The following ANK3 variants were observed in gnomAD, a reference collection of about 807,000 sequenced individuals.
ANK3 encodes ankyrin-3.
In ANK3, 57 loss-of-function variants were observed where a neutral mutation model predicts 370.9. That is an observed-to-expected ratio of 0.15 (90% CI 0.12 to 0.19). ANK3 has a LOEUF of 0.19. ANK3 is among the 10% of genes least tolerant of loss of function. ANK3 has a pLI of 1.00. For missense variants in ANK3, 4,439 were observed against 5,302.1 expected, an observed-to-expected ratio of 0.84 and a Z score of 5.06; for synonymous variants, 1,929 against 1,946.3, an observed-to-expected ratio of 0.99 and a Z score of 0.23.
intron 1 of ANK3, among the ~76,000 whole-genome samples, chr10:60,315,701 T>G (rs938265310): frequency 4.6e-5 from 7 of 152,104 alleles, no homozygotes; most frequent in African/African-American, 1.7e-4. Context: ...CCACAGGATT[T>G]GGGAAAGTTC....
In ANK3 at chr10:60,155,555, T is replaced by C. The variant is rs535628913; in HGVS notation, c.2614+11036A>G. On this transcript the variant is annotated intron_variant, in intron 23 of 43. Coordinates refer to ENST00000280772, the MANE Select transcript of ANK3 (RefSeq NM_020987.5). ...GGTGCTACCCTGGTCTTGGAGGTTG[T>C]GATAGTTAATATTGAATGTCAATTC... Among the ~76,000 whole-genome samples the C allele has an allele frequency of 9.8e-5, 15 of 152,286 alleles. No individual in the cohort carries two copies. The South Asian group carries it at 3.1e-3, about 32-fold the overall frequency.
At chr10:60,374,804 T>C (rs2060546857) in intron 1 of ANK3, among the ~76,000 whole-genome samples, 1 of 152,208 alleles carries the variant, frequency 6.6e-6, no homozygotes, top group Admixed American at 6.5e-5. Context: ...AGAGATTCGT[T>C]GGTACTTTTG....
intron 26 of ANK3, chr10:60,111,723 A>C (rs1021572047): frequency 4.4e-6 from 2 of 454,976 alleles, no homozygotes; most frequent in African/African-American, 4.0e-5. Flanking sequence ...CATAAAGGAC[A>C]CAGTTATCAC....
intron 5 of ANK3, among the ~76,000 whole-genome samples, chr10:60,269,858 A>G (rs1223398273): frequency 1.1e-4 from 17 of 152,172 alleles, no homozygotes; most frequent in Admixed American, 1.0e-3. Flanking sequence ...TAAGAGACAG[A>G]AAAGAATTCT....
intron 7 of ANK3, among the ~76,000 whole-genome samples, chr10:60,244,897 C>T (rs1337846413): frequency 2.6e-5 from 4 of 152,186 alleles, no homozygotes; most frequent in African/African-American, 9.7e-5. Flanking sequence ...GGGCCGGGCG[C>T]GGTGGCTCAC....
At chr10:60,178,857 GATTATTAT>G (rs2096057426) in intron 18 of ANK3, among the ~76,000 whole-genome samples, 1 of 151,528 alleles carries the variant, frequency 6.6e-6, no homozygotes, top group Non-Finnish European at 1.5e-5. Flanking sequence ...AAACAACACT[GATTATTAT>G]ACCCTGTGGC....
intron 26 of ANK3, among the ~76,000 whole-genome samples, chr10:60,110,775 A>AT (rs765193001): frequency 1.6e-4 from 25 of 152,176 alleles, no homozygotes; most frequent in Non-Finnish European, 1.0e-4. Context: ...ACAAAAATCA[A>AT]TTTTTCATTA....
chr10:60,176,825 A>G (rs1156475032), intron 18 of ANK3, among the ~76,000 whole-genome samples: 1 of 152,146 alleles, frequency 6.6e-6, no homozygotes, highest in African/African-American at 2.4e-5. Flanking sequence ...TAATTTTGCT[A>G]ACCATTTTTC....
At chr10:60,452,274 G>C (rs1363601020) in intron 2 of ANK3, among the ~76,000 whole-genome samples, 1 of 152,202 alleles carries the variant, frequency 6.6e-6, no homozygotes, top group African/African-American at 2.4e-5. Context: ...TGCCAGGGCT[G>C]TGCCCTTATT....
Position 60,084,343 on chromosome 10 carries a change from T to C in ANK3, c.4074+259A>G, listed in dbSNP as rs1007669903. ...ATTGTTTGAACCCAGGAGGCGGAGGTTGCAGTAAGCTGAGACCGCGCCACT... is the reference window on the plus strand; with the variant it reads ...ATTGTTTGAACCCAGGAGGCGGAGGCTGCAGTAAGCTGAGACCGCGCCACT... On this transcript the variant is annotated intron_variant, in intron 32 of 43. Transcript: ENST00000280772. 4 of 169,872 alleles carry C rather than the reference T, an allele frequency of 2.4e-5. No homozygotes were observed. The East Asian group carries it at 6.0e-4, about 26-fold the overall frequency. The allele number at this position is 169,872 out of a possible 1,614,324, so 10.5% of individuals were successfully genotyped here.
chr10:60,592,500 C>A (rs2077930086), intron 2 of ANK3, among the ~76,000 whole-genome samples: 1 of 152,208 alleles, frequency 6.6e-6, no homozygotes, highest in Admixed American at 6.5e-5. Context: ...TAGCTCACGC[C>A]TGTAATCCCA....
rs746842936 is a variant in ANK3 at position 60,070,218 on chromosome 10, A to C, written c.10663T>G (p.Phe3555Val). Residue 3555 changes from phenylalanine (F) to valine (V), a missense_variant, in exon 37 of 44, where the codon TTT (phenylalanine) becomes GTT (valine). Around this residue, in one of 13 missense-constraint regions of ANK3, gnomAD observed 1,601 missense variants for 1,731.7 expected, o/e 0.92. Transcript: ENST00000280772. This position sits in a 1 kb window ranked among gnomAD's most constrained non-coding sequence, Gnocchi z 5.7. ...WSNNRGDDEV[F>V]DSKSREDETK... is the part of the protein sequence containing the mutation. The stretch of plus-strand genomic sequence containing the variant: ...TCATCTTCCCGTGATTTACTGTCAA[A>C]AACTTCATCATCCCCTCGGTTATTA... 2 of 1,614,106 alleles carry C rather than the reference A, an allele frequency of 1.2e-6. No homozygotes were observed.
At chr10:60,699,503 T>G (rs2079517351) in intron 1 of ANK3, among the ~76,000 whole-genome samples, 1 of 152,116 alleles carries the variant, frequency 6.6e-6, no homozygotes, top group African/African-American at 2.4e-5. Context: ...ATGCTGTTAA[T>G]TGTAATAGAA....
intron 2 of ANK3, among the ~76,000 whole-genome samples, chr10:60,564,342 C>T (rs368088517): frequency 1.2e-4 from 18 of 152,246 alleles, no homozygotes; most frequent in African/African-American, 3.6e-4. Context: ...AACACGTGAC[C>T]ATGCTCAGTA....
intron 24 of ANK3, 106 bp downstream of exon 24, chr10:60,138,858 T>C: frequency 6.9e-7 from 1 of 1,450,220 alleles, no homozygotes; most frequent in South Asian, 1.3e-5. Context: ...CACATCTTCA[T>C]CCAAAGAACA....
chr10:60,212,555 G>A (rs557874413), intron 9 of ANK3, among the ~76,000 whole-genome samples: 6 of 152,236 alleles, frequency 3.9e-5, no homozygotes, highest in African/African-American at 1.4e-4. Context: ...AATTCTGTTA[G>A]ACAATACCCT....
At chr10:60,534,043 G>T (rs936324994) in intron 2 of ANK3, among the ~76,000 whole-genome samples, 8 of 152,056 alleles carry the variant, frequency 5.3e-5, no homozygotes, top group African/African-American at 1.9e-4. Context: ...CACTACGGAA[G>T]TGATTCTCAG....
intron 2 of ANK3, among the ~76,000 whole-genome samples, chr10:60,448,958 G>A (rs2133033780): frequency 6.6e-6 from 1 of 152,294 alleles, no homozygotes; most frequent in South Asian, 2.1e-4. Context: ...CTGAAGCGCT[G>A]ACCTTTATCT....
chr10:60,288,823 G>A (rs996042441), intron 1 of ANK3, among the ~76,000 whole-genome samples: 1 of 151,270 alleles, frequency 6.6e-6, no homozygotes, highest in African/African-American at 2.4e-5. Context: ...GGGAGAAAAT[G>A]GAGATAAGAT....
Sources: gnomAD v4.1 joint callset for allele counts (sites outside exome capture counted in the v4.1 genomes callset) on GRCh38, gnomAD v4.1.1 for gene constraint, gnomAD v4.1.1 regional missense constraint, Gnocchi (gnomAD v3.1) non-coding constraint, MANE v1.5 for transcripts, NCBI Gene and HGNC (gene_info 2026-07-23, HGNC 2026-07-21) for gene names.